Variants in PCDHGA1 observed in about 807,000 individuals in gnomAD.
The protein encoded by PCDHGA1 is protocadherin gamma-A1.
Under a neutral mutation model 58.0 loss-of-function variants are expected in PCDHGA1, and 32 were observed. The observed-to-expected ratio is 0.55, with a 90% CI of 0.42 to 0.74. PCDHGA1 has a LOEUF of 0.74. PCDHGA1 is among the 30% of genes least tolerant of loss of function. The pLI is 0.00. For synonymous variants in PCDHGA1, 498 were observed against 501.1 expected (o/e 0.99, Z 0.08); for missense variants, 1,205 against 1,182.3 (o/e 1.02, Z -0.28).
chr5:141,451,978 T>A (rs1329730658), intron 1 of PCDHGA1, among the ~76,000 whole-genome samples: 1 of 152,188 alleles, frequency 6.6e-6, no homozygotes, highest in Non-Finnish European at 1.5e-5. Flanking sequence ...TTTGCTGTAG[T>A]TTGTTCATTA....
chr5:141,429,751 A>AT (rs2097241304), intron 1 of PCDHGA1, among the ~76,000 whole-genome samples: 1 of 152,110 alleles, frequency 6.6e-6, no homozygotes, highest in African/African-American at 2.4e-5. Flanking sequence ...CTTAGGGAGA[A>AT]TTTTTTCCCT....
intron 3 of PCDHGA1, among the ~76,000 whole-genome samples, chr5:141,510,117 T>C (rs1205620535): frequency 6.6e-6 from 1 of 151,908 alleles, no homozygotes; most frequent in East Asian, 1.9e-4. Context: ...TGTTTTGAAA[T>C]ACAAAAATTA....
At chr5:141,448,580 TTACAAAAAGATAAAA>T (rs1484851220) in intron 1 of PCDHGA1, among the ~76,000 whole-genome samples, 1 of 152,180 alleles carries the variant, frequency 6.6e-6, no homozygotes, top group Non-Finnish European at 1.5e-5. Context: ...CCCATTTTTT[TTACAAAAAGATAAAA>T]TACTATACAC....
Position 141,332,733 on chromosome 5 carries a change from A to G in PCDHGA1, c.2049A>G (p.Lys683=). 6.2e-7 allele frequency: 1 copy of G among 1,613,594 alleles called. No homozygotes were observed. The highest frequency in any genetic ancestry group is 1.1e-5 in the South Asian group (1 of 91,068). Residue 683 remains lysine, a synonymous_variant, in exon 1 of 4, where the codon AAA becomes AAG. Transcript: ENST00000517417. The surrounding 1 kb of genome is among the most constrained non-coding windows in gnomAD (Gnocchi z 4.6). The part of the protein sequence containing the change: ...ADLGSLEPSA[K]PNDSDLTLYL... Reference sequence around the variant, plus strand: ...TGGGCAGCCTCGAGCCCTCCGCCAAACCCAACGATTCGGACCTCACTCTGT... The same window carrying G: ...TGGGCAGCCTCGAGCCCTCCGCCAAGCCCAACGATTCGGACCTCACTCTGT...
intron 1 of PCDHGA1, among the ~76,000 whole-genome samples, chr5:141,459,759 G>A (rs1164466104): frequency 7.2e-5 from 11 of 152,206 alleles, no homozygotes; most frequent in Non-Finnish European, 2.9e-5. Context: ...TCTAGTGGGT[G>A]TGTGATACTA....
chr5:141,458,340 G>C (rs4551132), intron 1 of PCDHGA1, among the ~76,000 whole-genome samples: 42,372 of 151,882 alleles, frequency 0.28, 6,646 homozygotes, highest in African/African-American at 0.43. Context: ...TTTAAGGAGT[G>C]GAGAGTTTAA....
chr5:141,414,124 G>C, intron 1 of PCDHGA1: 1 of 1,592,872 alleles, frequency 6.3e-7, no homozygotes, highest in Non-Finnish European at 8.6e-7. Context: ...TGAAGAAACC[G>C]GTTTCTATGA....
At chr5:141,441,790 A>G in intron 1 of PCDHGA1, 1 of 391,228 alleles carries the variant, frequency 2.6e-6, no homozygotes, top group South Asian at 2.0e-5. Context: ...CTGAATGACA[A>G]CGCACCGCGG....
intron 1 of PCDHGA1, among the ~76,000 whole-genome samples, chr5:141,482,498 T>G (rs1226516612): frequency 1.5e-5 from 2 of 135,390 alleles, no homozygotes; most frequent in African/African-American, 3.0e-5. Context: ...GTTATCATTC[T>G]GGTACCCAGA....
rs1407225048 is a variant in PCDHGA1 at position 141,489,600 on chromosome 5, G to T, written c.2422-5207G>T. On this transcript the variant is annotated intron_variant, in intron 1 of 3. Coordinates refer to ENST00000517417, the MANE Select transcript of PCDHGA1 (RefSeq NM_018912.3). The surrounding 1 kb of genome is among the most constrained non-coding windows in gnomAD (Gnocchi z 4.5). ...ACCCCCTGGAGCTAATCCGTGTAGA[G>T]GTAGAGATCCTGGATCTCAATGACA... The T allele has an allele frequency of 7.4e-6, 12 of 1,613,916 alleles. 1 individual carries two copies. In the South Asian group the frequency reaches 1.2e-4, roughly 16 times the overall value.
chr5:141,386,123 T>C (rs1477033454), intron 1 of PCDHGA1: 1 of 152,112 alleles, frequency 6.6e-6, no homozygotes, highest in African/African-American at 2.4e-5. Flanking sequence ...AAGTGGGAGA[T>C]TGGGGATACT....
At position 141,460,912 on chromosome 5, in the gene PCDHGA1, G is replaced by GTGTATATA. The variant is rs145509489; in HGVS notation, c.2422-33894_2422-33893insGTATATAT. ...TCGTGGCTGAGTAATATTCCATGGTGTATATATATATATGTGTGTGTGTAT... is the reference window on the plus strand; with the variant it reads ...TCGTGGCTGAGTAATATTCCATGGTGTGTATATATATATATATATATGTGTGTGTGTAT... On this transcript the variant is annotated intron_variant, in intron 1 of 3. Transcript: ENST00000517417. Among the ~76,000 whole-genome samples the GTGTATATA allele has an allele frequency of 5.0e-3, 740 of 149,316 alleles. 4 individuals are homozygous for GTGTATATA. The highest frequency in any genetic ancestry group is 0.015 in the African/African-American group (617 of 40,618).
intron 1 of PCDHGA1, chr5:141,367,537 A>AAAGTAAAT (rs373624904): frequency 1.5e-4 from 22 of 147,524 alleles, no homozygotes; most frequent in African/African-American, 5.5e-4. Context: ...ACTCCGTCTC[A>AAAGTAAAT]AAATAAATAA....
At chr5:141,382,896 G>T (rs754850386) in intron 1 of PCDHGA1, 1 of 1,537,674 alleles carries the variant, frequency 6.5e-7, no homozygotes, top group Admixed American at 2.1e-5. Context: ...GAAGCAGGAC[G>T]ACTATGGCGG....
rs776211508 is a variant in PCDHGA1, at chr5:141,491,001, C to T, written c.2422-3806C>T. On this transcript the variant is annotated intron_variant, in intron 1 of 3. Transcript: ENST00000517417. The surrounding 1 kb of genome is among the most constrained non-coding windows in gnomAD (Gnocchi z 6.9). The stretch of plus-strand genomic sequence containing the variant: ...TCCCTCGCTCTGCTCCTCCTGGCTC[C>T]TTGGTCACCAAGGTGACAGCCGTGG... The T allele has an allele frequency of 6.2e-7, 1 of 1,614,140 alleles. No individual in the cohort carries two copies. Among genetic ancestry groups the T allele is most frequent in the Non-Finnish European group, 8.5e-7 (1 of 1,180,044 alleles).
chr5:141,366,239 G>A, intron 1 of PCDHGA1: 3 of 1,613,776 alleles, frequency 1.9e-6, no homozygotes, highest in Non-Finnish European at 1.7e-6. Context: ...GGACAGAGAC[G>A]CGCTCAAGCA....
Position 141,505,441 on chromosome 5 carries a change from C to A in PCDHGA1, c.2529C>A (p.Asp843Glu), listed in dbSNP as rs2099846055. 6.2e-7 allele frequency: 1 copy of A among 1,614,084 alleles called. No individual in the cohort carries two copies. Among genetic ancestry groups the A allele is most frequent in the Non-Finnish European group, 8.5e-7 (1 of 1,180,024 alleles). Reference sequence around the variant, plus strand: ...GCACCTGGCCCAACAACCAGTTTGACACAGAGATGCTGCAAGCCATGATCT... The same window carrying A: ...GCACCTGGCCCAACAACCAGTTTGAAACAGAGATGCTGCAAGCCATGATCT... ...DTGTWPNNQFDTEMLQAMILA... is the reference protein window; with the variant it reads ...DTGTWPNNQFETEMLQAMILA... Residue 843 changes from aspartate to glutamate, a missense_variant, in exon 3 of 4, where the codon GAC becomes GAA. Transcript: ENST00000517417.
At chr5:141,397,926 A>T in intron 1 of PCDHGA1, 1 of 753,888 alleles carries the variant, frequency 1.3e-6, no homozygotes, top group Non-Finnish European at 2.1e-6. Context: ...CTCCTCGCGC[A>T]GCCGCAGCGC....
chr5:141,402,785 CG>C, intron 1 of PCDHGA1: 1 of 904,572 alleles, frequency 1.1e-6, no homozygotes, highest in South Asian at 2.1e-5. Context: ...TCCAGTTCTG[CG>C]GCTACACAAA....
Sources: gnomAD v4.1 joint callset for allele counts (sites outside exome capture counted in the v4.1 genomes callset) on GRCh38, gnomAD v4.1.1 for gene constraint, Gnocchi (gnomAD v3.1) non-coding constraint, MANE v1.5 for transcripts, NCBI Gene and HGNC (gene_info 2026-07-23, HGNC 2026-07-21) for gene names.